FRMD4A: variants seen among roughly 807,000 people sequenced by gnomAD.
FRMD4A encodes FERM domain containing 4A.
Under a neutral mutation model 129.1 loss-of-function variants are expected in FRMD4A, and 29 were observed. The ratio of observed to expected loss-of-function variants is 0.22; its 90% confidence interval spans 0.17 to 0.31. FRMD4A has a LOEUF of 0.31. Among genes scored for constraint, FRMD4A ranks in the 10% least tolerant of loss-of-function variants. The pLI is 1.00. For missense variants in FRMD4A, 1,272 were observed against 1,375.8 expected (o/e 0.92, Z 1.19); for synonymous variants, 634 against 571.6 (o/e 1.11, Z -1.56).
chr10:13,707,514 A>G, intron 12 of FRMD4A: 1 of 1,008,332 alleles, frequency 9.9e-7, no homozygotes, highest in Non-Finnish European at 1.2e-6. Flanking sequence ...GAGAGGAGCG[A>G]GAGGAGCGAG....
intron 2 of FRMD4A, among the ~76,000 whole-genome samples, chr10:14,012,574 A>T (rs1284597491): frequency 6.6e-6 from 1 of 152,112 alleles, no homozygotes; most frequent in African/African-American, 2.4e-5. Flanking sequence ...CAGCAGCAGG[A>T]GGGGGAAGAG....
chr10:13,934,445 G>A (rs2095231537), intron 2 of FRMD4A, among the ~76,000 whole-genome samples: 1 of 151,966 alleles, frequency 6.6e-6, no homozygotes, highest in Non-Finnish European at 1.5e-5. Flanking sequence ...GGGGCTCAAA[G>A]TGTCCTAGTC....
intron 15 of FRMD4A, among the ~76,000 whole-genome samples, chr10:13,682,702 G>C (rs998825945): frequency 6.6e-6 from 1 of 151,894 alleles, no homozygotes; most frequent in Non-Finnish European, 1.5e-5. Context: ...GGTTAGTAGA[G>C]ATATAGTATG....
chr10:14,079,866 C>T (rs536118404), intron 2 of FRMD4A, among the ~76,000 whole-genome samples: 1 of 152,172 alleles, frequency 6.6e-6, no homozygotes, highest in Non-Finnish European at 1.5e-5. Flanking sequence ...TACCCAGAAA[C>T]ACAGTGAGGG....
intron 2 of FRMD4A, among the ~76,000 whole-genome samples, chr10:14,044,489 G>T (rs1833906544): frequency 6.6e-6 from 1 of 152,216 alleles, no homozygotes; most frequent in Non-Finnish European, 1.5e-5. Context: ...AATATGACTA[G>T]CCCTTCTACG....
chr10:13,791,701 G>A (rs1403436809), intron 5 of FRMD4A, among the ~76,000 whole-genome samples: 1 of 152,116 alleles, frequency 6.6e-6, no homozygotes, highest in Non-Finnish European at 1.5e-5. Context: ...AGGGACATCT[G>A]TGAGCCCATA....
intron 2 of FRMD4A, among the ~76,000 whole-genome samples, chr10:13,907,994 C>T (rs1001009720): frequency 2.6e-5 from 4 of 151,428 alleles, no homozygotes; most frequent in Admixed American, 2.0e-4. Context: ...GGTAAAACCC[C>T]GTCTCTACTA....
intron 2 of FRMD4A, among the ~76,000 whole-genome samples, chr10:13,991,081 A>C (rs1333648261): frequency 6.6e-6 from 1 of 152,210 alleles, no homozygotes; most frequent in Non-Finnish European, 1.5e-5. Flanking sequence ...TTCCTAAAAC[A>C]CTGTGCTTGG....
intron 2 of FRMD4A, among the ~76,000 whole-genome samples, chr10:14,256,699 T>C (rs1844625259): frequency 2.0e-5 from 3 of 152,186 alleles, no homozygotes; most frequent in Admixed American, 2.0e-4. Flanking sequence ...AAAGTATATG[T>C]GGGCTGGGTG....
At chr10:14,114,138 G>A (rs1480985623) in intron 2 of FRMD4A, among the ~76,000 whole-genome samples, 1 of 152,250 alleles carries the variant, frequency 6.6e-6, no homozygotes, top group Non-Finnish European at 1.5e-5. Context: ...TGCCGACTGT[G>A]TGCGCCAGCA....
rs2094001364 is a variant in FRMD4A, at chr10:13,843,599, G to A, written c.111+15248C>T. Among the ~76,000 whole-genome samples the A allele has an allele frequency of 2.6e-5, 4 of 152,190 alleles. 1 individual carries two copies. Among genetic ancestry groups the A allele is most frequent in the Admixed American group, 2.6e-4 (4 of 15,288 alleles). On this transcript the variant is annotated intron_variant, in intron 3 of 24. Transcript: ENST00000357447. Reference sequence around the variant, plus strand: ...TGCAACCTCCGCCTGCCCGGTTCAAGCAGCTCTCCTGCCTCAGCCTCCTGA... The same window carrying A: ...TGCAACCTCCGCCTGCCCGGTTCAAACAGCTCTCCTGCCTCAGCCTCCTGA...
At chr10:13,799,696 T>C (rs375985976) in intron 4 of FRMD4A, among the ~76,000 whole-genome samples, 1 of 152,136 alleles carries the variant, frequency 6.6e-6, no homozygotes, top group Non-Finnish European at 1.5e-5. Flanking sequence ...TCCTTGGAAC[T>C]GGAGAACTGT....
At chr10:13,947,931 G>T (rs2095343988) in intron 2 of FRMD4A, among the ~76,000 whole-genome samples, 1 of 152,046 alleles carries the variant, frequency 6.6e-6, no homozygotes, top group South Asian at 2.1e-4. Context: ...GGGCATAGTG[G>T]CTCATGCCTG....
chr10:14,014,707 A>G (rs934631284), intron 2 of FRMD4A, among the ~76,000 whole-genome samples: 3 of 152,184 alleles, frequency 2.0e-5, no homozygotes, highest in Non-Finnish European at 2.9e-5. Flanking sequence ...CAGACCTCAC[A>G]TGCCCAGGGG....
chr10:13,902,223 T>C (rs1285431223), intron 2 of FRMD4A, among the ~76,000 whole-genome samples: 1 of 152,078 alleles, frequency 6.6e-6, no homozygotes, highest in African/African-American at 2.4e-5. Context: ...GGGGTCTTGC[T>C]ATGTGGCCCA....
chr10:14,277,309 T>C (rs1367503929), intron 2 of FRMD4A, among the ~76,000 whole-genome samples: 1 of 152,158 alleles, frequency 6.6e-6, no homozygotes, highest in Non-Finnish European at 1.5e-5. Flanking sequence ...AATTTACATG[T>C]GGAAATCCTC....
chr10:14,110,867 T>C (rs1837864401), intron 2 of FRMD4A, among the ~76,000 whole-genome samples: 1 of 152,224 alleles, frequency 6.6e-6, no homozygotes, highest in Non-Finnish European at 1.5e-5. Context: ...CGTCTCCTTC[T>C]GTCACCTAGG....
intron 6 of FRMD4A, among the ~76,000 whole-genome samples, chr10:13,764,906 G>A (rs566008194): frequency 2.8e-4 from 42 of 152,134 alleles, no homozygotes; most frequent in Non-Finnish European, 5.3e-4. Flanking sequence ...GGGCCTTAAT[G>A]GCACTTAAGG....
intron 2 of FRMD4A, among the ~76,000 whole-genome samples, chr10:14,004,965 C>T (rs2131626568): frequency 6.6e-6 from 1 of 152,146 alleles, no homozygotes; most frequent in Admixed American, 6.5e-5. Flanking sequence ...ATAAACTTTA[C>T]AGGCCTAATC....
Sources: gnomAD v4.1 joint callset for allele counts (sites outside exome capture counted in the v4.1 genomes callset) on GRCh38, gnomAD v4.1.1 for gene constraint, MANE v1.5 for transcripts, NCBI Gene and HGNC (gene_info 2026-07-23, HGNC 2026-07-21) for gene names.